ROBO2: variants seen among roughly 807,000 people sequenced by gnomAD.
ROBO2 encodes roundabout homolog 2.
A neutral mutation model predicts 160.8 loss-of-function variants in ROBO2; 53 were observed. The observed-to-expected ratio is 0.33, with a 90% CI of 0.26 to 0.41. The LOEUF is 0.41. ROBO2 is among the 10% of genes least tolerant of loss of function. The pLI is 1.00. For synonymous variants in ROBO2, 664 were observed against 611.7 expected (o/e 1.09, Z -1.26); for missense variants, 1,577 against 1,722.4 (o/e 0.92, Z 1.49).
chr3:77,207,693 A>G (rs1046204142), intron 2 of ROBO2, among the ~76,000 whole-genome samples: 4 of 152,208 alleles, frequency 2.6e-5, no homozygotes, highest in Non-Finnish European at 4.4e-5. Context: ...ATGGAAATAG[A>G]GGTAACGTTC....
intron 2 of ROBO2, among the ~76,000 whole-genome samples, chr3:76,840,506 A>G (rs954236966): frequency 6.6e-6 from 1 of 151,364 alleles, no homozygotes; most frequent in African/African-American, 2.4e-5. Flanking sequence ...GCTACTCGGG[A>G]GGCTGAGGCA....
At chr3:76,938,367 CA>C (rs2077887053) in intron 2 of ROBO2, among the ~76,000 whole-genome samples, 13 of 145,710 alleles carry the variant, frequency 8.9e-5, no homozygotes, top group South Asian at 2.1e-4. Flanking sequence ...CTACCCCCCC[CA>C]AAAAAGGCTG....
In ROBO2 at chr3:76,951,069, G is replaced by C. The variant is rs150923979; in HGVS notation, c.110-146945G>C. On this transcript the variant is annotated intron_variant, in intron 2 of 26. Coordinates refer to the ROBO2 transcript ENST00000487694. ...TAAGAATATGTCTTTACTTTGAATA[G>C]AGATTCATTTAGTCACTTCTTTCAT... Among the ~76,000 whole-genome samples the C allele has an allele frequency of 2.4e-3, 370 of 152,262 alleles. 1 individual carries two copies. Among genetic ancestry groups the C allele is most frequent in the Non-Finnish European group, 4.0e-3 (272 of 68,024 alleles).
intron 2 of ROBO2, among the ~76,000 whole-genome samples, chr3:76,343,033 T>C (rs1292050861): frequency 6.6e-6 from 1 of 152,096 alleles, no homozygotes; most frequent in Non-Finnish European, 1.5e-5. Context: ...GGTAATCAAA[T>C]GTTCCAAAGA....
chr3:76,709,496 C>A (rs1482588646), intron 2 of ROBO2, among the ~76,000 whole-genome samples: 3 of 152,086 alleles, frequency 2.0e-5, no homozygotes, highest in African/African-American at 7.2e-5. Flanking sequence ...ATCTCACCGG[C>A]CAGAACTGTG....
chr3:76,340,884 G>C (rs562080321), intron 2 of ROBO2, among the ~76,000 whole-genome samples: 5 of 152,134 alleles, frequency 3.3e-5, no homozygotes, highest in Middle Eastern at 3.4e-3. Flanking sequence ...ATTAGCATGC[G>C]GAAATATCTT....
intron 2 of ROBO2, among the ~76,000 whole-genome samples, chr3:77,440,936 C>T (rs941286608): frequency 6.6e-6 from 1 of 152,058 alleles, no homozygotes; most frequent in African/African-American, 2.4e-5. Context: ...CCATTCTCTG[C>T]GTTCTTTTCT....
intron 2 of ROBO2, among the ~76,000 whole-genome samples, chr3:76,229,100 A>G (rs1704465457): frequency 6.6e-6 from 1 of 151,558 alleles, no homozygotes; most frequent in Non-Finnish European, 1.5e-5. Context: ...AGTTTCCACA[A>G]TTTTTTTTTG....
chr3:76,319,407 C>T (rs914619241), intron 2 of ROBO2, among the ~76,000 whole-genome samples: 4 of 151,988 alleles, frequency 2.6e-5, no homozygotes, highest in African/African-American at 9.7e-5. Flanking sequence ...GGATTCTACC[C>T]TCCATAAACT....
At chr3:77,203,419 G>T (rs1049932537) in intron 2 of ROBO2, among the ~76,000 whole-genome samples, 2 of 152,100 alleles carry the variant, frequency 1.3e-5, no homozygotes, top group African/African-American at 4.8e-5. Context: ...TTCTTAGACT[G>T]CTTACTGTGT....
At chr3:77,470,807 C>A (rs928305455) in intron 2 of ROBO2, among the ~76,000 whole-genome samples, 4 of 152,082 alleles carry the variant, frequency 2.6e-5, no homozygotes. Flanking sequence ...GGAACTGCTT[C>A]GGGCTAGAGG....
intron 2 of ROBO2, among the ~76,000 whole-genome samples, chr3:76,452,775 G>C (rs1413351314): frequency 6.6e-6 from 1 of 152,126 alleles, no homozygotes; most frequent in African/African-American, 2.4e-5. Flanking sequence ...GGTTGAACTA[G>C]TTTACAGTCC....
intron 2 of ROBO2, among the ~76,000 whole-genome samples, chr3:76,419,302 G>T (rs969562839): frequency 6.6e-6 from 1 of 152,104 alleles, no homozygotes; most frequent in African/African-American, 2.4e-5. Flanking sequence ...AAACATAAAA[G>T]GTGAATAGTA....
intron 2 of ROBO2, among the ~76,000 whole-genome samples, chr3:76,521,091 C>G (rs999645812): frequency 8.5e-6 from 1 of 118,076 alleles, no homozygotes; most frequent in Non-Finnish European, 1.6e-5. Flanking sequence ...CTCTGTCATT[C>G]AGGCTGGAGT....
At chr3:76,235,704 CTTA>C (rs1428278721) in intron 2 of ROBO2, among the ~76,000 whole-genome samples, 1 of 152,136 alleles carries the variant, frequency 6.6e-6, no homozygotes, top group Non-Finnish European at 1.5e-5. Flanking sequence ...GTCACATTTG[CTTA>C]GAGAGAAAAG....
intron 1 of ROBO2, among the ~76,000 whole-genome samples, chr3:77,084,253 A>T (rs2069022260): frequency 6.6e-6 from 1 of 152,096 alleles, no homozygotes; most frequent in African/African-American, 2.4e-5. Flanking sequence ...GCCTCATTTG[A>T]AAGTGGGGAA....
intron 2 of ROBO2, among the ~76,000 whole-genome samples, chr3:76,872,582 C>CTTAT (rs1239040200): frequency 6.6e-6 from 1 of 151,904 alleles, no homozygotes; most frequent in Non-Finnish European, 1.5e-5. Context: ...GAATTGTAGA[C>CTTAT]TTATTTGTTA....
At chr3:76,717,374 C>T (rs1238151209) in intron 2 of ROBO2, among the ~76,000 whole-genome samples, 1 of 151,930 alleles carries the variant, frequency 6.6e-6, no homozygotes, top group Non-Finnish European at 1.5e-5. Flanking sequence ...CACTTGTAAT[C>T]CCAGCTACTC....
intron 2 of ROBO2, among the ~76,000 whole-genome samples, chr3:76,228,602 A>T (rs146529514): frequency 0.039 from 5,976 of 152,238 alleles, 349 homozygotes; most frequent in African/African-American, 0.12. Flanking sequence ...TCTTTAATTC[A>T]GCGTTGCAAA....
Sources: gnomAD v4.1 joint callset for allele counts (sites outside exome capture counted in the v4.1 genomes callset) on GRCh38, gnomAD v4.1.1 for gene constraint, MANE v1.5 for transcripts, NCBI Gene and HGNC (gene_info 2026-07-23, HGNC 2026-07-21) for gene names.